Variants in GAL3ST2 observed in about 807,000 individuals in gnomAD.
GAL3ST2 encodes galactose-3-O-sulfotransferase 2.
A neutral mutation model predicts 12.9 loss-of-function variants in GAL3ST2; 16 were observed. The observed-to-expected ratio is 1.24, with a 90% CI of 0.84 to 1.88. The LOEUF is 1.88. GAL3ST2 is among the 40% of genes most tolerant of loss of function. GAL3ST2 has a pLI of 0.00. For missense variants in GAL3ST2, 639 were observed against 571.8 expected (o/e 1.12, Z -1.20); for synonymous variants, 302 against 273.9 (o/e 1.10, Z -1.01).
In GAL3ST2 at chr2:241,795,580, C is replaced by T. The variant is rs962652851; in HGVS notation, c.30-3485C>T. On this transcript the variant is annotated intron_variant, in intron 1 of 3. Coordinates refer to ENST00000192314, the MANE Select transcript of GAL3ST2 (RefSeq NM_022134.3). The surrounding 1 kb of genome is among the most constrained non-coding windows in gnomAD (Gnocchi z 4.5). ...TGGTGAAGTCCTGCGTGGGCCTTATCAGTGAGTTAATCTCTAACTGTGCGG... is the reference window on the plus strand; with the variant it reads ...TGGTGAAGTCCTGCGTGGGCCTTATTAGTGAGTTAATCTCTAACTGTGCGG... 2.0e-5 allele frequency among the ~76,000 whole-genome samples: 3 copies of T among 152,180 alleles called. No individual in the cohort carries two copies. Among genetic ancestry groups the T allele is most frequent in the African/African-American group, 7.2e-5 (3 of 41,448 alleles).
At chr2:241,787,540 C>CTCCT (rs762011937) in intron 1 of GAL3ST2, among the ~76,000 whole-genome samples, 5,673 of 136,222 alleles carry the variant, frequency 0.042, 375 homozygotes, top group East Asian at 0.14. Context: ...ACTTCTCCTC[C>CTCCT]TTTTTTTTTT....
rs1016242581 is a variant in GAL3ST2, at chr2:241,793,598, T to C, written c.30-5467T>C. ...GTATATGTGTATGTATGTATATGTG[T>C]ATATGTGTGTGTATTGTGTGTGTAC... is the stretch of plus-strand genomic sequence containing the variant. On this transcript the variant is annotated intron_variant, in intron 1 of 3. Transcript: ENST00000192314. This position sits in a 1 kb window ranked among gnomAD's most constrained non-coding sequence, Gnocchi z 4.7. 2.1e-5 allele frequency among the ~76,000 whole-genome samples: 3 copies of C among 143,826 alleles called. No individual in the cohort carries two copies. Among genetic ancestry groups the C allele is most frequent in the South Asian group, 4.5e-4 (2 of 4,410 alleles). 94.4% of individuals were successfully genotyped at this position (143,826 alleles called of 152,430 possible).
In GAL3ST2 at chr2:241,795,280, C is replaced by G. The variant is rs77555989; in HGVS notation, c.30-3785C>G. Among the ~76,000 whole-genome samples the G allele has an allele frequency of 0.012, 1,769 of 152,296 alleles. 47 individuals carry two copies. Among genetic ancestry groups the G allele is most frequent in the African/African-American group, 0.041 (1,702 of 41,558 alleles). On this transcript the variant is annotated intron_variant, in intron 1 of 3. Transcript: ENST00000192314. The surrounding 1 kb of genome is among the most constrained non-coding windows in gnomAD (Gnocchi z 4.5). The stretch of plus-strand genomic sequence containing the variant: ...AGGTCTTTTGGCAAAAGGGAAGAGC[C>G]CGCCTTGAGAAGGCTGTAGCATTTC...
At chr2:241,789,188 A>G (rs1331156054) in intron 1 of GAL3ST2, among the ~76,000 whole-genome samples, 1 of 152,212 alleles carries the variant, frequency 6.6e-6, no homozygotes, top group Non-Finnish European at 1.5e-5. Flanking sequence ...TAGTGAGATA[A>G]AAACCACTGT....
Position 241,804,276 on chromosome 2 carries a change from C to T in GAL3ST2, c.*110C>T, listed in dbSNP as rs1439983106. 8 of 960,892 alleles carry T rather than the reference C, an allele frequency of 8.3e-6. No individual in the cohort carries two copies. The highest frequency in any genetic ancestry group is 1.7e-5 in the African/African-American group (1 of 57,588). 59.5% of individuals were successfully genotyped at this position (960,892 alleles called of 1,614,324 possible). ...CTTCTGGGGCGTTGGGAAACCCAGG[C>T]CCGCCGGCCACGGCTCTAAAATGAA... On this transcript the variant is annotated 3_prime_UTR_variant, in exon 4 of 4. Coordinates refer to ENST00000192314, the MANE Select transcript of GAL3ST2 (RefSeq NM_022134.3).
chr2:241,777,031 G>T, intron 1 of GAL3ST2, 47 bp downstream of exon 1: 1 of 1,430,054 alleles, frequency 7.0e-7, no homozygotes, highest in Non-Finnish European at 9.3e-7. Context: ...CGCTTCATCT[G>T]TGGCTATTCT....
chr2:241,777,847 G>A (rs1196628875), intron 1 of GAL3ST2, among the ~76,000 whole-genome samples: 1 of 152,160 alleles, frequency 6.6e-6, no homozygotes, highest in Non-Finnish European at 1.5e-5. Context: ...TTGATTAGCT[G>A]GTGGCCAAGC....
At position 241,803,680 on chromosome 2, in the gene GAL3ST2, G is replaced by A. The variant is rs1428772649; in HGVS notation, c.711G>A (p.Leu237=). 1.3e-6 allele frequency: 2 copies of A among 1,546,968 alleles called. No individual in the cohort carries two copies. The highest frequency in any genetic ancestry group is 2.4e-5 in the South Asian group (2 of 83,768). ...ACCTGGACGAGTCCCTGGTGCTGCT[G>A]CGGCGCCGGCTGCGCTGGGCGCTGG... The part of the protein sequence containing the change: ...AEHLDESLVL[L]RRRLRWALDD... Residue 237 remains leucine, a synonymous_variant, in exon 4 of 4, where the codon CTG becomes CTA. Coordinates refer to ENST00000192314, the MANE Select transcript of GAL3ST2 (RefSeq NM_022134.3).
At position 241,803,625 on chromosome 2, in the gene GAL3ST2, G is replaced by A; in HGVS notation, c.656G>A (p.Arg219Gln). Residue 219 changes from arginine (R) to glutamine (Q), a missense_variant, in exon 4 of 4, where the codon CGG becomes CAG. By Grantham distance (43) the Arg-to-Gln change is conservative. Coordinates refer to ENST00000192314, the MANE Select transcript of GAL3ST2 (RefSeq NM_022134.3). ...YVRARIAEVE[R>Q]RFRLVLIAEH... ...CGCGCGCGCATCGCCGAGGTGGAGC[G>A]GCGCTTCCGGCTGGTGCTCATCGCC... The A allele has an allele frequency of 6.4e-7, 1 of 1,555,416 alleles. No individual in the cohort carries two copies. Among genetic ancestry groups the A allele is most frequent in the African/African-American group, 1.4e-5 (1 of 73,500 alleles).
Position 241,803,578 on chromosome 2 carries a change from G to T in GAL3ST2, c.609G>T (p.Ala203=). 1 of 1,591,026 alleles carries T rather than the reference G, an allele frequency of 6.3e-7. No individual in the cohort carries two copies. The highest frequency in any genetic ancestry group is 8.6e-7 in the Non-Finnish European group (1 of 1,168,162). The change falls in exon 4 of 4, where the codon GCG becomes GCT. Residue 203 remains alanine, a synonymous_variant. Coordinates refer to ENST00000192314, the MANE Select transcript of GAL3ST2 (RefSeq NM_022134.3). The stretch of plus-strand genomic sequence containing the variant: ...TCGACTTCGGCTTCGACCCCAACGC[G>T]CAGTGCGAGGAGGGCTACGTGCGCG... ...MWFDFGFDPN[A]QCEEGYVRAR... is the part of the protein sequence containing the mutation.
chr2:241,801,407 G>C lies in GAL3ST2; in HGVS notation c.120-374G>C, dbSNP rs759518004. On this transcript the variant is annotated intron_variant, in intron 2 of 3. Transcript: ENST00000192314. This position sits in a 1 kb window ranked among gnomAD's most constrained non-coding sequence, Gnocchi z 4.4. ...GCTGGGTCTAAACCGCAAAGGGGAGGGGGTGTGACGAGGCGTCTACCTCCC... is the reference window on the plus strand; with the variant it reads ...GCTGGGTCTAAACCGCAAAGGGGAGCGGGTGTGACGAGGCGTCTACCTCCC... 10 of 318,502 alleles carry C rather than the reference G, an allele frequency of 3.1e-5. No homozygotes were observed. Among genetic ancestry groups the C allele is most frequent in the East Asian group, 6.7e-5 (1 of 14,970 alleles). 19.7% of individuals were successfully genotyped at this position (318,502 alleles called of 1,614,324 possible).
chr2:241,794,934 A>G (rs1469185080), intron 1 of GAL3ST2, among the ~76,000 whole-genome samples: 3 of 152,194 alleles, frequency 2.0e-5, no homozygotes, highest in African/African-American at 7.2e-5. Flanking sequence ...TATTTTTTTA[A>G]CAGCCTTATT....
At position 241,802,161 on chromosome 2, in the gene GAL3ST2, G is replaced by A. The variant is rs368037632; in HGVS notation, c.375+125G>A. On this transcript the variant is annotated intron_variant, in intron 3 of 3. Transcript: ENST00000192314. This position sits in a 1 kb window ranked among gnomAD's most constrained non-coding sequence, Gnocchi z 4.8. ...CTTGGGGGCGGGGCGTGCAGAAGGC[G>A]GGTTGGGAGGGCCTGGGCCGCACGC... 1.2e-5 allele frequency: 15 copies of A among 1,216,982 alleles called. No homozygotes were observed. The highest frequency in any genetic ancestry group is 2.6e-5 in the East Asian group (1 of 38,972). The allele number at this position is 1,216,982 out of a possible 1,614,324, so 75.4% of individuals were successfully genotyped here.
chr2:241,779,820 T>C (rs1469271199), intron 1 of GAL3ST2, among the ~76,000 whole-genome samples: 1 of 151,702 alleles, frequency 6.6e-6, no homozygotes, highest in Non-Finnish European at 1.5e-5. Flanking sequence ...ACCCCGTCTC[T>C]ACTAAAAAAT....
rs1173958238 is a variant in GAL3ST2 at position 241,804,060 on chromosome 2, G to A, written c.1091G>A (p.Gly364Asp). ...LRPGLDNQTL[G>D]VCQRLVMPEL... ...CCGGGCCTGGACAACCAGACGCTGG[G>A]CGTGTGCCAGAGGCTTGTGATGCCT... Residue 364 changes from glycine to aspartate, a missense_variant, in exon 4 of 4, where the codon GGC becomes GAC. By Grantham distance (94) the Gly-to-Asp change is moderately conservative (BLOSUM62 -1). Transcript: ENST00000192314. The A allele has an allele frequency of 6.4e-7, 1 of 1,555,214 alleles. No homozygotes were observed.
rs950770646 is a variant in GAL3ST2 at position 241,800,317 on chromosome 2, G to A, written c.119+1163G>A. Among the ~76,000 whole-genome samples, 1 of 151,864 alleles carries A rather than the reference G, an allele frequency of 6.6e-6. No individual in the cohort carries two copies. The highest frequency in any genetic ancestry group is 1.5e-5 in the Non-Finnish European group (1 of 67,926). ...GGCTGGGAGCACAGCCGCCGACCCA[G>A]GCTGGGAGCACAGCCGCCGACCCAG... On this transcript the variant is annotated intron_variant, in intron 2 of 3. Transcript: ENST00000192314. The surrounding 1 kb of genome is among the most constrained non-coding windows in gnomAD (Gnocchi z 5.2).
intron 1 of GAL3ST2, among the ~76,000 whole-genome samples, chr2:241,782,199 A>G (rs1407084849): frequency 6.6e-6 from 1 of 152,252 alleles, no homozygotes; most frequent in Non-Finnish European, 1.5e-5. Context: ...TTAATGATTA[A>G]TTTATAGAGA....
intron 1 of GAL3ST2, among the ~76,000 whole-genome samples, chr2:241,783,380 A>T (rs1245613951): frequency 6.6e-6 from 1 of 152,198 alleles, no homozygotes; most frequent in Non-Finnish European, 1.5e-5. Context: ...AATTTACCAT[A>T]CAAGATTCTT....
chr2:241,780,922 G>T (rs570898138), intron 1 of GAL3ST2, among the ~76,000 whole-genome samples: 2 of 152,302 alleles, frequency 1.3e-5, no homozygotes, highest in African/African-American at 4.8e-5. Flanking sequence ...TTTTTCCAAG[G>T]GGCATTTATT....
Sources: allele counts gnomAD v4.1 joint callset (sites outside exome capture counted in the v4.1 genomes callset), GRCh38; gene constraint gnomAD v4.1.1; non-coding constraint Gnocchi (gnomAD v3.1); transcripts MANE v1.5; gene names NCBI Gene and HGNC (gene_info 2026-07-23, HGNC 2026-07-21).